CCDC73: variants seen among roughly 807,000 people sequenced by gnomAD.
The protein encoded by CCDC73 is coiled-coil domain containing 73.
Under a neutral mutation model 116.5 loss-of-function variants are expected in CCDC73, and 95 were observed. That is an observed-to-expected ratio of 0.82 (90% CI 0.69 to 0.97). CCDC73 has a LOEUF of 0.97. CCDC73 is among the 50% of genes least tolerant of loss of function. The pLI is 0.00. For missense variants in CCDC73, 1,066 were observed against 1,206.8 expected (o/e 0.88, Z 1.73); for synonymous variants, 398 against 401.3 (o/e 0.99, Z 0.10).
At chr11:32,790,975 C>G (rs1306762708) in intron 1 of CCDC73, among the ~76,000 whole-genome samples, 1 of 152,008 alleles carries the variant, frequency 6.6e-6, no homozygotes, top group African/African-American at 2.4e-5. Context: ...CAATTTTTTT[C>G]AAATATGAAA....
chr11:32,713,176 A>G (rs973413089), intron 3 of CCDC73, among the ~76,000 whole-genome samples: 4 of 152,104 alleles, frequency 2.6e-5, no homozygotes, highest in African/African-American at 7.2e-5. Flanking sequence ...TGAAAGTGAA[A>G]TGGAAAAAAT....
intron 9 of CCDC73, among the ~76,000 whole-genome samples, chr11:32,669,082 GATA>G (rs1474191223): frequency 6.6e-6 from 1 of 151,986 alleles, no homozygotes; most frequent in Non-Finnish European, 1.5e-5. Context: ...AAAAACATGA[GATA>G]ATAATTAAAA....
At chr11:32,759,831 A>G (rs922242306) in intron 2 of CCDC73, among the ~76,000 whole-genome samples, 6 of 152,326 alleles carry the variant, frequency 3.9e-5, no homozygotes, top group South Asian at 2.1e-4. Flanking sequence ...AGAGGGTGCT[A>G]TCTGTGCACT....
chr11:32,608,628 C>T (rs1188610118), intron 17 of CCDC73, among the ~76,000 whole-genome samples: 1 of 152,140 alleles, frequency 6.6e-6, no homozygotes, highest in Non-Finnish European at 1.5e-5. Context: ...TGGCCCTCTT[C>T]TCATAGCTCC....
intron 2 of CCDC73, among the ~76,000 whole-genome samples, chr11:32,754,991 G>A (rs1023411699): frequency 6.9e-6 from 1 of 144,266 alleles, no homozygotes; most frequent in Non-Finnish European, 1.5e-5. Flanking sequence ...GGATTCAAGC[G>A]ATTCTCCTGC....
intron 2 of CCDC73, among the ~76,000 whole-genome samples, chr11:32,754,446 G>A (rs940420920): frequency 2.0e-5 from 3 of 151,806 alleles, no homozygotes; most frequent in African/African-American, 7.3e-5. Context: ...GTCTATTTGG[G>A]GTTCAAGAAA....
chr11:32,800,889 G>A, the CCDC73 span, among the ~76,000 whole-genome samples: 3 of 152,272 alleles, frequency 2.0e-5, no homozygotes, highest in African/African-American at 7.2e-5. Context: ...AGGATGCCTC[G>A]GCTGCAAATA....
chr11:32,826,510 C>T, the CCDC73 span, among the ~76,000 whole-genome samples: 132,905 of 152,072 alleles, frequency 0.87, 58,197 homozygotes, highest in East Asian at 0.99. Context: ...GGTAAGTGGG[C>T]GGGTATGTGC....
chr11:32,683,357 A>G, intron 7 of CCDC73, 179 bp downstream of exon 7: 1 of 605,252 alleles, frequency 1.7e-6, no homozygotes, highest in Non-Finnish European at 3.0e-6. Flanking sequence ...AATTTGTGAA[A>G]TAATTCATTT....
chr11:32,692,534 A>G (rs551576910), intron 6 of CCDC73, among the ~76,000 whole-genome samples: 1 of 152,264 alleles, frequency 6.6e-6, no homozygotes, highest in East Asian at 1.9e-4. Context: ...TTTAAATTTA[A>G]TGAAATAAAG....
Position 32,683,516 on chromosome 11 carries a change from A to G in CCDC73, c.429+20T>C. ...AGTACTAATCCAGATGGGGGAAAAT[A>G]TGTTTTGTAATTTCCTTACCATTTC... is the stretch of plus-strand genomic sequence containing the variant. On this transcript the variant is annotated intron_variant, in intron 7 of 17. Coordinates refer to ENST00000335185, the MANE Select transcript of CCDC73 (RefSeq NM_001008391.4). 6.8e-7 allele frequency: 1 copy of G among 1,476,890 alleles called. No individual in the cohort carries two copies. The highest frequency in any genetic ancestry group is 2.3e-5 in the East Asian group (1 of 44,124). The allele number at this position is 1,476,890 out of a possible 1,614,324, so 91.5% of individuals were successfully genotyped here.
chr11:32,718,508 A>G (rs1264230800), intron 2 of CCDC73, among the ~76,000 whole-genome samples: 1 of 152,212 alleles, frequency 6.6e-6, no homozygotes, highest in African/African-American at 2.4e-5. Context: ...GGAGGTTTGT[A>G]CTTTCTAGCA....
chr11:32,751,283 G>C (rs1034245572), intron 2 of CCDC73, among the ~76,000 whole-genome samples: 1 of 152,158 alleles, frequency 6.6e-6, no homozygotes, highest in Non-Finnish European at 1.5e-5. Flanking sequence ...GGGTTGAAGA[G>C]GGGTGGCATA....
chr11:32,619,310 A>G (rs918021568), intron 14 of CCDC73, among the ~76,000 whole-genome samples: 5 of 152,186 alleles, frequency 3.3e-5, no homozygotes, highest in African/African-American at 4.8e-5. Flanking sequence ...GATGTATGGG[A>G]AAATTGGCCT....
chr11:32,620,248 T>C (rs373443720), intron 14 of CCDC73, among the ~76,000 whole-genome samples: 1 of 152,298 alleles, frequency 6.6e-6, no homozygotes, highest in African/African-American at 2.4e-5. Flanking sequence ...CTGGGGTGCC[T>C]AAATTCTCTT....
the CCDC73 span, among the ~76,000 whole-genome samples, chr11:32,820,611 T>C: frequency 9.2e-5 from 14 of 152,292 alleles, no homozygotes; most frequent in African/African-American, 3.4e-4. Context: ...AAGGCAATAA[T>C]CTCTTGTTAA....
intron 2 of CCDC73, among the ~76,000 whole-genome samples, chr11:32,742,852 C>A (rs539115710): frequency 1.7e-4 from 26 of 152,164 alleles, no homozygotes; most frequent in Admixed American, 5.9e-4. Context: ...AGGAAGGGGT[C>A]CAGTTTCAGT....
intron 1 of CCDC73, among the ~76,000 whole-genome samples, chr11:32,793,171 T>C (rs995477037): frequency 6.6e-6 from 1 of 152,214 alleles, no homozygotes; most frequent in Non-Finnish European, 1.5e-5. Context: ...TAACACACTT[T>C]ATAAATCATC....
At chr11:32,603,070 TTAAAG>T in intron 17 of CCDC73, 50 bp from the exon 18 acceptor site, 1 of 1,448,534 alleles carries the variant, frequency 6.9e-7, no homozygotes, top group South Asian at 1.3e-5. Flanking sequence ...ACAAAAGATT[TTAAAG>T]AGTCTGTAAA....
Sources: gnomAD v4.1 joint callset for allele counts (sites outside exome capture counted in the v4.1 genomes callset) on GRCh38, gnomAD v4.1.1 for gene constraint, MANE v1.5 for transcripts, NCBI Gene and HGNC (gene_info 2026-07-23, HGNC 2026-07-21) for gene names.